NRXN3: variants seen among roughly 807,000 people sequenced by gnomAD.
The protein encoded by NRXN3 is neurexin III.
NRXN3 carries 32 observed loss-of-function variants against 137.6 expected under a neutral mutation model. That is an observed-to-expected ratio of 0.23 (90% CI 0.18 to 0.31). NRXN3 has a LOEUF of 0.31. Among genes scored for constraint, NRXN3 ranks in the 10% least tolerant of loss-of-function variants. NRXN3 has a pLI of 1.00. For synonymous variants in NRXN3, 798 were observed against 784.5 expected (o/e 1.02, Z -0.29); for missense variants, 1,574 against 2,062.5 (o/e 0.76, Z 4.59).
At chr14:79,636,170 A>G (rs2098402081) in intron 16 of NRXN3, among the ~76,000 whole-genome samples, 1 of 152,172 alleles carries the variant, frequency 6.6e-6, no homozygotes, top group Non-Finnish European at 1.5e-5. Flanking sequence ...TAAAGATCCT[A>G]TTTCCAACTA....
intron 15 of NRXN3, among the ~76,000 whole-genome samples, chr14:79,328,021 A>AG (rs1200643010): frequency 2.0e-5 from 3 of 152,184 alleles, no homozygotes; most frequent in Non-Finnish European, 4.4e-5. Flanking sequence ...ATGGGTTGAT[A>AG]GGTGCAGCAA....
chr14:79,504,667 A>ATATATATATG (rs2096858650), intron 16 of NRXN3, among the ~76,000 whole-genome samples: 3 of 143,530 alleles, frequency 2.1e-5, no homozygotes, highest in African/African-American at 7.8e-5. Context: ...ATATATATAT[A>ATATATATATG]TATATATAAA....
At chr14:79,234,309 TA>T (rs2072863256) in intron 15 of NRXN3, among the ~76,000 whole-genome samples, 2 of 93,446 alleles carry the variant, frequency 2.1e-5, no homozygotes, top group South Asian at 3.8e-4. Flanking sequence ...TATATATATA[TA>T]TATATATATA....
chr14:78,592,066 G>A (rs976627067), intron 4 of NRXN3, among the ~76,000 whole-genome samples: 1 of 152,096 alleles, frequency 6.6e-6, no homozygotes, highest in Non-Finnish European at 1.5e-5. Flanking sequence ...TATGTAATAG[G>A]TTTCTTTTTT....
chr14:79,559,874 TG>T (rs1486620838), intron 16 of NRXN3, among the ~76,000 whole-genome samples: 2 of 152,140 alleles, frequency 1.3e-5, no homozygotes, highest in Non-Finnish European at 2.9e-5. Flanking sequence ...TTGGAAAAAG[TG>T]TACATGCTAG....
intron 4 of NRXN3, among the ~76,000 whole-genome samples, chr14:78,322,529 G>A (rs978747724): frequency 6.6e-6 from 1 of 151,972 alleles, no homozygotes; most frequent in African/African-American, 2.4e-5. Context: ...CTGTGGGGCT[G>A]CAGACAAATA....
chr14:79,245,639 A>G (rs2075051045), intron 15 of NRXN3, among the ~76,000 whole-genome samples: 1 of 152,158 alleles, frequency 6.6e-6, no homozygotes, highest in Non-Finnish European at 1.5e-5. Context: ...AGTGCCTGGA[A>G]CATAATAAAT....
rs117621621 is a variant in NRXN3, at chr14:78,750,683, G to A, written c.2044+35544G>A. Among the ~76,000 whole-genome samples, 249 of 152,260 alleles carry A rather than the reference G, an allele frequency of 1.6e-3. 2 individuals carry two copies. In the East Asian group the frequency reaches 0.044, roughly 27 times the overall value. On this transcript the variant is annotated intron_variant, in intron 8 of 20. Coordinates refer to ENST00000335750, the MANE Select transcript of NRXN3 (RefSeq NM_001330195.2). ...CAGCCCTAAATTCACAATCTCTGAT[G>A]TAAGAGCCTGACTAAGCATACTGGC...
At chr14:79,081,615 CAAAA>C (rs34854400) in intron 15 of NRXN3, among the ~76,000 whole-genome samples, 8 of 110,282 alleles carry the variant, frequency 7.3e-5, no homozygotes, top group African/African-American at 1.3e-4. Flanking sequence ...GACTTTATCT[CAAAA>C]AAAAAAAAAA....
chr14:78,943,668 ATATATATATATC>A (rs1567779006), intron 10 of NRXN3, among the ~76,000 whole-genome samples: 9 of 102,342 alleles, frequency 8.8e-5, no homozygotes, highest in Admixed American at 2.1e-4. Context: ...ATATATATAT[ATATATATATATC>A]TCAAAGAATC....
chr14:78,483,493 T>G (rs2095506715), intron 4 of NRXN3, among the ~76,000 whole-genome samples: 1 of 152,174 alleles, frequency 6.6e-6, no homozygotes, highest in Admixed American at 6.5e-5. Context: ...AATCAACTAC[T>G]AATAATCCTT....
At chr14:79,388,656 CA>C (rs1443375352) in intron 15 of NRXN3, among the ~76,000 whole-genome samples, 1 of 152,088 alleles carries the variant, frequency 6.6e-6, no homozygotes, top group East Asian at 1.9e-4. Context: ...GACTCCAGTT[CA>C]TCATATCCCT....
At chr14:79,049,429 T>TGA (rs1362276923) in intron 15 of NRXN3, among the ~76,000 whole-genome samples, 1 of 152,150 alleles carries the variant, frequency 6.6e-6, no homozygotes, top group African/African-American at 2.4e-5. Context: ...GTACTTCTGT[T>TGA]CTAGTTCTCT....
chr14:79,417,295 G>A (rs938286612), intron 15 of NRXN3, among the ~76,000 whole-genome samples: 3 of 152,078 alleles, frequency 2.0e-5, no homozygotes, highest in African/African-American at 2.4e-5. Flanking sequence ...TTATAAATGT[G>A]AACATTAAGT....
intron 15 of NRXN3, among the ~76,000 whole-genome samples, chr14:79,325,993 G>T (rs1405839629): frequency 2.0e-5 from 3 of 152,202 alleles, no homozygotes; most frequent in African/African-American, 4.8e-5. Context: ...CTCTACCATT[G>T]TGGTTTCAAT....
intron 19 of NRXN3, among the ~76,000 whole-genome samples, chr14:79,780,139 C>G (rs1003133745): frequency 6.6e-6 from 1 of 151,898 alleles, no homozygotes; most frequent in African/African-American, 2.4e-5. Context: ...TAAGGTTCCA[C>G]AAGTACCTCT....
chr14:78,961,963 A>G (rs1194549035), intron 11 of NRXN3, among the ~76,000 whole-genome samples: 2 of 152,164 alleles, frequency 1.3e-5, no homozygotes, highest in African/African-American at 4.8e-5. Context: ...GGTGCTGGAT[A>G]TATTACCCAT....
intron 15 of NRXN3, among the ~76,000 whole-genome samples, chr14:79,131,973 A>C (rs1399256068): frequency 2.6e-5 from 4 of 152,240 alleles, no homozygotes; most frequent in Admixed American, 6.5e-5. Context: ...TTCTTTGACT[A>C]GGAAAGGGAA....
At chr14:79,078,606 A>G (rs965394164) in intron 15 of NRXN3, among the ~76,000 whole-genome samples, 1 of 152,192 alleles carries the variant, frequency 6.6e-6, no homozygotes, top group Non-Finnish European at 1.5e-5. Flanking sequence ...AAGTTATTCA[A>G]TTTATTGACT....
Sources: allele counts gnomAD v4.1 joint callset (sites outside exome capture counted in the v4.1 genomes callset), GRCh38; gene constraint gnomAD v4.1.1; transcripts MANE v1.5; gene names NCBI Gene and HGNC (gene_info 2026-07-23, HGNC 2026-07-21).